The following SRPK2 variants were observed in gnomAD, a reference collection of about 807,000 sequenced individuals.
The protein encoded by SRPK2 is SFRS protein kinase 2.
SRPK2 carries 21 observed loss-of-function variants against 90.8 expected under a neutral mutation model. The ratio of observed to expected loss-of-function variants is 0.23; its 90% CI spans 0.16 to 0.33. The LOEUF is 0.33. Ranked by LOEUF, SRPK2 falls within the 10% of genes least tolerant of loss-of-function variation. SRPK2 has a pLI of 1.00. For synonymous variants in SRPK2, 288 were observed against 311.1 expected, an observed-to-expected ratio of 0.93 and a Z score of 0.78; for missense variants, 620 against 869.0, an observed-to-expected ratio of 0.71 and a Z score of 3.60.
chr7:105,360,379 C>T (rs943541640), intron 2 of SRPK2, among the ~76,000 whole-genome samples: 1 of 152,196 alleles, frequency 6.6e-6, no homozygotes, highest in African/African-American at 2.4e-5. Context: ...AGCCCATTTA[C>T]ATTTAAGGTT....
Position 105,276,087 on chromosome 7 carries a change from T to A in SRPK2, c.72-72302A>T, listed in dbSNP as rs974158907. On this transcript the variant is annotated intron_variant, in intron 2 of 15. Coordinates refer to ENST00000393651, the MANE Select transcript of SRPK2 (RefSeq NM_182692.3). ...TACATGAGGAGGATATATATATATT[T>A]TTTTTTTTTAGAGGGACAGAGTCTT... Among the ~76,000 whole-genome samples the A allele has an allele frequency of 3.8e-3, 574 of 151,268 alleles. 3 individuals are homozygous for A. Among genetic ancestry groups the A allele is most frequent in the African/African-American group, 0.011 (435 of 41,324 alleles).
chr7:105,389,203 G>T (rs1822053478), upstream of SRPK2: 16 of 1,149,290 alleles, frequency 1.4e-5, no homozygotes, highest in East Asian at 2.1e-4. Context: ...CACCGGACCC[G>T]CGGGACCCTC....
chr7:105,243,927 C>G (rs1335202108), intron 2 of SRPK2, among the ~76,000 whole-genome samples: 1 of 152,208 alleles, frequency 6.6e-6, no homozygotes, highest in Non-Finnish European at 1.5e-5. Context: ...GGAAGAGAAA[C>G]AGCCAAGGTA....
At chr7:105,323,995 G>GTGTA (rs1554509948) in intron 2 of SRPK2, among the ~76,000 whole-genome samples, 3,404 of 147,812 alleles carry the variant, frequency 0.023, 70 homozygotes, top group Non-Finnish European at 0.028. Context: ...GTGTGTGTGT[G>GTGTA]TGTGTGTGTG....
At chr7:105,298,770 C>T (rs1469779283) in intron 2 of SRPK2, 1 of 985,446 alleles carries the variant, frequency 1.0e-6, no homozygotes, top group Non-Finnish European at 1.2e-6. Flanking sequence ...GGCACAGGGC[C>T]CACTCCAACA....
chr7:105,247,367 C>G (rs767872859), intron 2 of SRPK2, among the ~76,000 whole-genome samples: 1 of 152,122 alleles, frequency 6.6e-6, no homozygotes, highest in South Asian at 2.1e-4. Context: ...TAACTGAAAG[C>G]GTGCTTGAAG....
chr7:105,335,267 T>C (rs1412188610), intron 2 of SRPK2, among the ~76,000 whole-genome samples: 4 of 152,240 alleles, frequency 2.6e-5, no homozygotes, highest in Non-Finnish European at 5.9e-5. Context: ...TGATTATTTA[T>C]AGCCACAAGA....
intron 2 of SRPK2, among the ~76,000 whole-genome samples, chr7:105,357,661 T>C (rs1256436380): frequency 6.6e-6 from 1 of 151,614 alleles, no homozygotes; most frequent in African/African-American, 2.4e-5. Flanking sequence ...AGAGAATTGC[T>C]TGAACCCAGG....
intron 2 of SRPK2, among the ~76,000 whole-genome samples, chr7:105,233,694 A>T (rs1426522390): frequency 6.6e-6 from 1 of 152,134 alleles, no homozygotes; most frequent in African/African-American, 2.4e-5. Flanking sequence ...CTCTACTAAA[A>T]ATGCAAAGAA....
chr7:105,173,940 G>C (rs551760758), intron 3 of SRPK2, among the ~76,000 whole-genome samples: 2 of 49,736 alleles, frequency 4.0e-5, no homozygotes, highest in Non-Finnish European at 4.4e-5. Flanking sequence ...TTTTTTTTTT[G>C]GCTGCTTAAA....
chr7:105,264,074 G>A (rs1804706531), intron 2 of SRPK2, among the ~76,000 whole-genome samples: 1 of 152,150 alleles, frequency 6.6e-6, no homozygotes, highest in South Asian at 2.1e-4. Context: ...AGACCCTTTG[G>A]TTCTCCTCCT....
At chr7:105,206,391 C>A in intron 2 of SRPK2, 1 of 173,290 alleles carries the variant, frequency 5.8e-6, no homozygotes, top group Non-Finnish European at 1.3e-5. Context: ...CTCACTTACT[C>A]TTTACCTACC....
intron 2 of SRPK2, among the ~76,000 whole-genome samples, chr7:105,293,593 T>TA (rs1715623793): frequency 6.6e-6 from 1 of 151,840 alleles, no homozygotes; most frequent in Non-Finnish European, 1.5e-5. Context: ...CTGATTGTTG[T>TA]ATTTTTAGTA....
intron 2 of SRPK2, among the ~76,000 whole-genome samples, chr7:105,246,548 T>C (rs897669591): frequency 2.5e-4 from 38 of 152,224 alleles, no homozygotes; most frequent in African/African-American, 8.9e-4. Flanking sequence ...TGGAAACAGA[T>C]GCGATCATTT....
intron 7 of SRPK2, among the ~76,000 whole-genome samples, chr7:105,153,284 A>AG (rs1211240053): frequency 6.6e-6 from 1 of 152,224 alleles, no homozygotes; most frequent in Non-Finnish European, 1.5e-5. Flanking sequence ...AGAAGCCCCG[A>AG]GTCCCATTCC....
chr7:105,308,998 G>A (rs924328404), intron 2 of SRPK2, among the ~76,000 whole-genome samples: 2 of 151,890 alleles, frequency 1.3e-5, no homozygotes, highest in African/African-American at 4.8e-5. Flanking sequence ...ATTTCCTATG[G>A]CCCCAGTCCT....
chr7:105,276,695 A>C (rs954515904), intron 2 of SRPK2, among the ~76,000 whole-genome samples: 12 of 152,162 alleles, frequency 7.9e-5, no homozygotes, highest in African/African-American at 2.7e-4. Flanking sequence ...CCAAGACTGC[A>C]CCACTGCACT....
chr7:105,215,239 G>A (rs1797316065), intron 2 of SRPK2, among the ~76,000 whole-genome samples: 1 of 152,078 alleles, frequency 6.6e-6, no homozygotes, highest in South Asian at 2.1e-4. Flanking sequence ...AAACTCCTAG[G>A]AAAGAGACAC....
At chr7:105,190,484 ATCCTTTTTTTGTT>A (rs761696390) in intron 3 of SRPK2, among the ~76,000 whole-genome samples, 4 of 151,984 alleles carry the variant, frequency 2.6e-5, no homozygotes, top group Non-Finnish European at 4.4e-5. Flanking sequence ...GCCTCTCTGC[ATCCTTTTTTTGTT>A]TGTTTTTTTA....
Sources: gnomAD v4.1 joint callset for allele counts (sites outside exome capture counted in the v4.1 genomes callset) on GRCh38, gnomAD v4.1.1 for gene constraint, MANE v1.5 for transcripts, NCBI Gene and HGNC (gene_info 2026-07-23, HGNC 2026-07-21) for gene names.